The following ANKRD34C variants were observed in gnomAD, a reference collection of about 807,000 sequenced individuals.
ANKRD34C encodes ankyrin repeat domain 34C.
For synonymous variants in ANKRD34C, 260 were observed against 253.6 expected, an observed-to-expected ratio of 1.03 and a Z score of -0.24; for missense variants, 563 against 653.0, an observed-to-expected ratio of 0.86 and a Z score of 1.50.
Position 79,284,803 on chromosome 15 carries a change from TC to T in ANKRD34C, c.-45+1576del, listed in dbSNP as rs538223257. 2.0e-5 allele frequency among the ~76,000 whole-genome samples: 3 copies of T among 152,302 alleles called. No individual in the cohort carries two copies. The South Asian group carries it at 6.2e-4, about 32-fold the overall frequency. ...CAAAATGATGCTTGCCCAAAATTACTCAGGTACTTAGTAGCAGAGCTGGGAT... is the reference window on the plus strand; with the variant it reads ...CAAAATGATGCTTGCCCAAAATTACTAGGTACTTAGTAGCAGAGCTGGGAT... On this transcript the variant is annotated intron_variant, in intron 1 of 1. Transcript: ENST00000421388.
In ANKRD34C at chr15:79,294,973, T is replaced by C. The variant is rs1328276311; in HGVS notation, c.*81T>C. ...AGACTGCTTCCTGATCATTCCTTAA[T>C]GTTGAACTGTGGCCACTTCAGAAGA... On this transcript the variant is annotated 3_prime_UTR_variant, in exon 2 of 2. Coordinates refer to ENST00000421388, the MANE Select transcript of ANKRD34C (RefSeq NM_001146341.2). 7.3e-7 allele frequency: 1 copy of C among 1,366,260 alleles called. No individual in the cohort carries two copies. Among genetic ancestry groups the C allele is most frequent in the Non-Finnish European group, 9.8e-7 (1 of 1,024,100 alleles). 84.6% of individuals were successfully genotyped at this position (1,366,260 alleles called of 1,614,324 possible).
intron 1 of ANKRD34C, among the ~76,000 whole-genome samples, chr15:79,291,558 TCACACACACACA>T (rs138141895): frequency 1.2e-4 from 6 of 50,998 alleles, no homozygotes; most frequent in South Asian, 7.3e-4. Context: ...GAAAGACCAT[TCACACACACACA>T]CACACACACA....
At chr15:79,291,066 A>G (rs1304773766) in intron 1 of ANKRD34C, among the ~76,000 whole-genome samples, 1 of 152,156 alleles carries the variant, frequency 6.6e-6, no homozygotes, top group East Asian at 1.9e-4. Flanking sequence ...AGTTCTTTAT[A>G]TAGTCTGATG....
At chr15:79,284,376 C>T (rs1005883983) in intron 1 of ANKRD34C, among the ~76,000 whole-genome samples, 1 of 152,184 alleles carries the variant, frequency 6.6e-6, no homozygotes, top group Non-Finnish European at 1.5e-5. Context: ...TGCCCTTAGA[C>T]AAAATTACTA....
At chr15:79,286,346 T>C (rs1271912975) in intron 1 of ANKRD34C, among the ~76,000 whole-genome samples, 1 of 152,178 alleles carries the variant, frequency 6.6e-6, no homozygotes, top group Non-Finnish European at 1.5e-5. Flanking sequence ...ACCCACTTTA[T>C]GGTTGCTAAT....
chr15:79,289,152 A>G (rs1018305752), intron 1 of ANKRD34C, among the ~76,000 whole-genome samples: 1 of 152,200 alleles, frequency 6.6e-6, no homozygotes, highest in African/African-American at 2.4e-5. Context: ...AAAGTGTACG[A>G]TTATTGCAGC....
chr15:79,293,560 C>T lies in ANKRD34C; in HGVS notation c.276C>T (p.Ala92=). 14 of 1,551,706 alleles carry T rather than the reference C, an allele frequency of 9.0e-6. No individual in the cohort carries two copies. The highest frequency in any genetic ancestry group is 1.2e-5 in the Non-Finnish European group (14 of 1,147,000). Residue 92 remains alanine (A), a synonymous_variant, in exon 2 of 2, where the codon GCC becomes GCT. Transcript: ENST00000421388. ...CTGGCAAGACTGCCCTCATCCATGC[C>T]TGTATCAGAAGAGCTGGGGGAGAAG... ...DKSGKTALIH[A]CIRRAGGEVV... is the part of the protein sequence containing the mutation.
intron 1 of ANKRD34C, among the ~76,000 whole-genome samples, chr15:79,285,753 T>C (rs1380060961): frequency 2.0e-5 from 3 of 151,982 alleles, no homozygotes; most frequent in Admixed American, 2.0e-4. Context: ...TCAAAGAAAA[T>C]TTAAAGCACA....
At position 79,295,032 on chromosome 15, in the gene ANKRD34C, T is replaced by C. The variant is rs2058669006; in HGVS notation, c.*140T>C. ...CAGGATGCTGCTTCACTTCTGAGAATAATCCCTGGGTTTTTATAGGCCTAC... is the reference window on the plus strand; with the variant it reads ...CAGGATGCTGCTTCACTTCTGAGAACAATCCCTGGGTTTTTATAGGCCTAC... On this transcript the variant is annotated 3_prime_UTR_variant, in exon 2 of 2. Transcript: ENST00000421388. 1 of 984,044 alleles carries C rather than the reference T, an allele frequency of 1.0e-6. No individual in the cohort carries two copies. Among genetic ancestry groups the C allele is most frequent in the African/African-American group, 1.6e-5 (1 of 60,786 alleles). The allele number at this position is 984,044 out of a possible 1,614,324, so 61.0% of individuals were successfully genotyped here.
chr15:79,283,627 A>C (rs550405607), intron 1 of ANKRD34C: 1 of 152,308 alleles, frequency 6.6e-6, no homozygotes, highest in South Asian at 2.1e-4. Flanking sequence ...CATTTCTGAG[A>C]AATGATGGGA....
chr15:79,291,468 T>A (rs1456100794), intron 1 of ANKRD34C, among the ~76,000 whole-genome samples: 2 of 151,880 alleles, frequency 1.3e-5, no homozygotes, highest in Non-Finnish European at 2.9e-5. Context: ...AGCTTATTGA[T>A]GCATAGGGCT....
chr15:79,291,283 T>C (rs534963013), intron 1 of ANKRD34C, among the ~76,000 whole-genome samples: 3 of 152,190 alleles, frequency 2.0e-5, no homozygotes, highest in Admixed American at 2.0e-4. Context: ...GATTTGAAGA[T>C]AGAATGTGAA....
At position 79,283,246 on chromosome 15, in the gene ANKRD34C, G is replaced by A. The variant is rs887844013; in HGVS notation, c.-45+18G>A. ...CCCACCAGGTAAGCGCACCCCCAGG[G>A]GTCTGCATTGGTCACCCGGGTGGGG... On this transcript the variant is annotated intron_variant, in intron 1 of 1. Transcript: ENST00000421388. 6.6e-5 allele frequency among the ~76,000 whole-genome samples: 10 copies of A among 152,208 alleles called. No homozygotes were observed. The highest frequency in any genetic ancestry group is 2.4e-4 in the African/African-American group (10 of 41,452).
chr15:79,293,745 C>T lies in ANKRD34C; in HGVS notation c.461C>T (p.Thr154Ile). 6.4e-7 allele frequency: 1 copy of T among 1,551,752 alleles called. No individual in the cohort carries two copies. Among genetic ancestry groups the T allele is most frequent in the Non-Finnish European group, 8.7e-7 (1 of 1,147,006 alleles). Residue 154 changes from threonine (T) to isoleucine (I), a missense_variant, in exon 2 of 2, where the codon ACA (threonine) becomes ATA (isoleucine). By Grantham distance (89) the Thr-to-Ile change is moderately conservative (BLOSUM62 -1). Transcript: ENST00000421388. Reference sequence around the variant, plus strand: ...GGGAAGGAGGTGATTATTATAACAACAGATAAATCGTCTTCAGGCACCAAA... The same window carrying T: ...GGGAAGGAGGTGATTATTATAACAATAGATAAATCGTCTTCAGGCACCAAA... ...AKGKEVIIIT[T>I]DKSSSGTKTT... is the part of the protein sequence containing the mutation.
Position 79,295,272 on chromosome 15 carries a change from G to A in ANKRD34C, c.*380G>A, listed in dbSNP as rs1170799579. 1 of 183,910 alleles carries A rather than the reference G, an allele frequency of 5.4e-6. No individual in the cohort carries two copies. Among genetic ancestry groups the A allele is most frequent in the African/African-American group, 2.4e-5 (1 of 41,738 alleles). The allele number at this position is 183,910 out of a possible 1,614,324, so 11.4% of individuals were successfully genotyped here. ...AATAAATCTATAAAGTGCCTACATA[G>A]AAAACGAGGCTTTAACATTTGTTAG... On this transcript the variant is annotated 3_prime_UTR_variant, in exon 2 of 2. Coordinates refer to ENST00000421388, the MANE Select transcript of ANKRD34C (RefSeq NM_001146341.2).
Position 79,294,729 on chromosome 15 carries a change from A to G in ANKRD34C, c.1445A>G (p.Lys482Arg). 1 of 1,551,742 alleles carries G rather than the reference A, an allele frequency of 6.4e-7. No individual in the cohort carries two copies. The highest frequency in any genetic ancestry group is 8.7e-7 in the Non-Finnish European group (1 of 1,146,992). ...ATTCCAGATATTAGATCTAGCAGCA[A>G]ACCTTCTTGCTCTCTTGCTAGTGGC... The part of the protein sequence containing the change: ...PPIPDIRSSS[K>R]PSCSLASGLK... The change falls in exon 2 of 2, where the codon AAA becomes AGA. Residue 482 changes from lysine (K) to arginine (R), a missense_variant. By Grantham distance (26) the Lys-to-Arg change is conservative. Coordinates refer to ENST00000421388, the MANE Select transcript of ANKRD34C (RefSeq NM_001146341.2).
intron 1 of ANKRD34C, among the ~76,000 whole-genome samples, chr15:79,288,105 C>A (rs574358308): frequency 3.9e-5 from 6 of 152,366 alleles, no homozygotes; most frequent in African/African-American, 1.4e-4. Context: ...CACTTCTTCA[C>A]TTTTGGCTTC....
At position 79,294,041 on chromosome 15, in the gene ANKRD34C, G is replaced by C; in HGVS notation, c.757G>C (p.Glu253Gln). ...GCCTCAACTGAAGAGGCTCCAGTCT[G>C]AACCTTGGGGCCTGATAGCGCCCTC... ...RLPQLKRLQS[E>Q]PWGLIAPSVL... The change falls in exon 2 of 2, where the codon GAA (glutamate) becomes CAA (glutamine). Residue 253 changes from glutamate (E) to glutamine (Q), a missense_variant. Physicochemically the swap from Glu to Gln is conservative, Grantham distance 29 (BLOSUM62 2). Transcript: ENST00000421388. The C allele has an allele frequency of 6.4e-7, 1 of 1,551,666 alleles. No individual in the cohort carries two copies. Among genetic ancestry groups the C allele is most frequent in the African/African-American group, 1.4e-5 (1 of 73,180 alleles).
intron 1 of ANKRD34C, among the ~76,000 whole-genome samples, chr15:79,286,880 G>A (rs912587674): frequency 2.0e-5 from 3 of 152,092 alleles, no homozygotes; most frequent in African/African-American, 4.8e-5. Flanking sequence ...TGCTTGCTCC[G>A]TCAGTGCACT....
Sources: allele counts gnomAD v4.1 joint callset (sites outside exome capture counted in the v4.1 genomes callset), GRCh38; gene constraint gnomAD v4.1.1; transcripts MANE v1.5; gene names NCBI Gene and HGNC (gene_info 2026-07-23, HGNC 2026-07-21).